Variants in SLC8A1 observed in about 807,000 individuals in gnomAD.
SLC8A1 encodes solute carrier family 8 member A1.
Under a neutral mutation model 68.3 loss-of-function variants are expected in SLC8A1, and 18 were observed. That is an observed-to-expected ratio of 0.26 (90% CI 0.18 to 0.39). The LOEUF (loss-of-function observed/expected upper bound fraction) is 0.39, where lower values mean the gene tolerates loss of function less well. Among genes scored for constraint, SLC8A1 ranks in the 10% least tolerant of loss-of-function variants. The probability of loss-of-function intolerance (pLI) is 1.00; values close to 1 mark genes in which losing one functional copy is unlikely to be tolerated. For missense variants in SLC8A1, 985 were observed against 1,156.7 expected, an observed-to-expected ratio of 0.85 and a Z score of 2.15; for synonymous variants, 475 against 415.5, an observed-to-expected ratio of 1.14 and a Z score of -1.74.
intron 2 of SLC8A1, among the ~76,000 whole-genome samples, chr2:40,280,920 T>C (rs1358610651): frequency 6.6e-6 from 1 of 152,240 alleles, no homozygotes; most frequent in Admixed American, 6.5e-5. Flanking sequence ...CTTTATACAG[T>C]AACTCAGCAC....
At chr2:40,245,675 A>C (rs1325987214) in intron 2 of SLC8A1, among the ~76,000 whole-genome samples, 1 of 152,138 alleles carries the variant, frequency 6.6e-6, no homozygotes, top group Non-Finnish European at 1.5e-5. Flanking sequence ...ATTACTTAAA[A>C]AGTCAAACTT....
intron 2 of SLC8A1, among the ~76,000 whole-genome samples, chr2:40,324,553 G>C (rs904933765): frequency 1.3e-5 from 2 of 152,158 alleles, no homozygotes; most frequent in Non-Finnish European, 2.9e-5. Flanking sequence ...GATTCAAAGT[G>C]AAGTAGCTCA....
At chr2:40,443,151 G>A (rs374116505) in intron 1 of SLC8A1, among the ~76,000 whole-genome samples, 10 of 152,112 alleles carry the variant, frequency 6.6e-5, no homozygotes, top group African/African-American at 1.2e-4. Flanking sequence ...AATACCTAAC[G>A]CATGCAGAGC....
chr2:40,192,340 A>T (rs1407806436), intron 2 of SLC8A1, among the ~76,000 whole-genome samples: 1 of 137,946 alleles, frequency 7.2e-6, no homozygotes, highest in Non-Finnish European at 1.6e-5. Flanking sequence ...GATTTCTGAC[A>T]CCTATCCATG....
At chr2:40,354,874 T>G (rs6544323) in intron 2 of SLC8A1, among the ~76,000 whole-genome samples, 68,525 of 151,858 alleles carry the variant, frequency 0.45, 15,855 homozygotes, top group Admixed American at 0.56. Context: ...ATCTTGACAA[T>G]GCACCCCTCC....
At chr2:40,120,890 C>A (rs2036619932) in intron 7 of SLC8A1, 1 of 152,144 alleles carries the variant, frequency 6.6e-6, no homozygotes. Context: ...GACAGATGAC[C>A]ATGTTTCAAA....
intron 2 of SLC8A1, among the ~76,000 whole-genome samples, chr2:40,310,036 TCA>T (rs1375327511): frequency 1.3e-5 from 2 of 152,218 alleles, no homozygotes; most frequent in Non-Finnish European, 2.9e-5. Flanking sequence ...TCTGATTATT[TCA>T]TATAAATGGA....
At chr2:40,217,703 G>A (rs976986833) in intron 2 of SLC8A1, among the ~76,000 whole-genome samples, 6 of 152,074 alleles carry the variant, frequency 3.9e-5, no homozygotes, top group African/African-American at 1.4e-4. Context: ...AGAAGGTGAG[G>A]CTTTGCTAAA....
At chr2:40,239,707 C>A (rs934615409) in intron 2 of SLC8A1, among the ~76,000 whole-genome samples, 2 of 152,118 alleles carry the variant, frequency 1.3e-5, no homozygotes, top group Non-Finnish European at 2.9e-5. Context: ...AACAAAAAAA[C>A]TGGTGCATTC....
At chr2:40,333,991 T>C (rs1370064623) in intron 2 of SLC8A1, among the ~76,000 whole-genome samples, 2 of 152,154 alleles carry the variant, frequency 1.3e-5, no homozygotes, top group Non-Finnish European at 2.9e-5. Context: ...GAGGTTGCAG[T>C]GAGCCGAGAT....
chr2:40,460,071 C>T (rs774457250), intron 1 of SLC8A1, among the ~76,000 whole-genome samples: 17 of 152,152 alleles, frequency 1.1e-4, no homozygotes, highest in Non-Finnish European at 1.8e-4. Context: ...CTTCTTTTCA[C>T]GTCTACTTGG....
intron 6 of SLC8A1, among the ~76,000 whole-genome samples, chr2:40,147,611 C>T (rs1052965709): frequency 6.6e-6 from 1 of 152,162 alleles, no homozygotes; most frequent in Non-Finnish European, 1.5e-5. Context: ...CCAGCTGTGT[C>T]TAAATTAGCC....
At chr2:40,275,086 A>C (rs1049398757) in intron 2 of SLC8A1, among the ~76,000 whole-genome samples, 4 of 152,228 alleles carry the variant, frequency 2.6e-5, no homozygotes, top group African/African-American at 9.6e-5. Context: ...CAAATGGTTA[A>C]ATTTTCCTAT....
At chr2:40,235,790 G>T (rs1293601990) in intron 2 of SLC8A1, among the ~76,000 whole-genome samples, 1 of 148,882 alleles carries the variant, frequency 6.7e-6, no homozygotes, top group African/African-American at 2.5e-5. Context: ...AGAGATTCTG[G>T]TATGTTGTGT....
At position 40,177,811 on chromosome 2, in the gene SLC8A1, TTCTC is replaced by T; in HGVS notation, c.1849_1852del (p.Glu617LysfsTer15). The T allele has an allele frequency of 6.4e-7, 1 of 1,551,354 alleles. No homozygotes were observed. The highest frequency in any genetic ancestry group is 8.7e-7 in the Non-Finnish European group (1 of 1,146,614). On this transcript the variant is annotated frameshift_variant, in exon 3 of 8. Coordinates refer to ENST00000406785, the Ensembl canonical transcript of SLC8A1. LOFTEE classifies it high-confidence loss of function. ...AAGCACAAGGGAGAAACTGCACTCT[TTCTC>T]ATATTCCTCACGGTCAAATATTCTA...
intron 2 of SLC8A1, among the ~76,000 whole-genome samples, chr2:40,328,067 A>G (rs964442627): frequency 1.3e-4 from 20 of 152,312 alleles, no homozygotes; most frequent in African/African-American, 4.6e-4. Flanking sequence ...TTCAGAGAAG[A>G]AAGAAAAAGA....
chr2:40,190,724 C>G (rs1365949719), intron 2 of SLC8A1: 1 of 152,068 alleles, frequency 6.6e-6, no homozygotes, highest in Non-Finnish European at 1.5e-5. Context: ...TGACCTGAAA[C>G]AAAACTACAA....
chr2:40,154,117 C>G (rs1401225671), intron 6 of SLC8A1, among the ~76,000 whole-genome samples: 1 of 151,988 alleles, frequency 6.6e-6, no homozygotes, highest in Non-Finnish European at 1.5e-5. Flanking sequence ...TGACCCTACA[C>G]AAGTTACGTA....
chr2:40,454,329 T>C (rs1187219917), upstream of SLC8A1, among the ~76,000 whole-genome samples: 1 of 152,178 alleles, frequency 6.6e-6, no homozygotes, highest in Non-Finnish European at 1.5e-5. Context: ...ATAGATTTTG[T>C]GGAAAGAGTG....
Sources: gnomAD v4.1 joint callset for allele counts (sites outside exome capture counted in the v4.1 genomes callset) on GRCh38, gnomAD v4.1.1 for gene constraint, MANE v1.5 for transcripts, NCBI Gene and HGNC (gene_info 2026-07-23, HGNC 2026-07-21) for gene names.